CLSTN2: variants seen among roughly 807,000 people sequenced by gnomAD.
CLSTN2 encodes the protein calsyntenin-2.
A neutral mutation model predicts 101.2 loss-of-function variants in CLSTN2; 48 were observed. The ratio of observed to expected loss-of-function variants is 0.47; its 90% CI spans 0.38 to 0.60. The LOEUF (loss-of-function observed/expected upper bound fraction) is 0.60. Ranked by LOEUF, CLSTN2 falls within the 20% of genes least tolerant of loss-of-function variation. The pLI is 0.00. For synonymous variants in CLSTN2, 481 were observed against 463.6 expected (o/e 1.04, Z -0.48); for missense variants, 1,160 against 1,238.2 (o/e 0.94, Z 0.95).
intron 1 of CLSTN2, among the ~76,000 whole-genome samples, chr3:140,126,653 T>G (rs12233502): frequency 0.56 from 85,511 of 151,694 alleles, 24,519 homozygotes; most frequent in Admixed American, 0.68. Context: ...TAGTATGGTC[T>G]CTATCACTTG....
chr3:140,474,836 G>C (rs937717701), intron 8 of CLSTN2, among the ~76,000 whole-genome samples: 1 of 152,132 alleles, frequency 6.6e-6, no homozygotes, highest in South Asian at 2.1e-4. Context: ...AACCACAGCA[G>C]TGTTATCACC....
Position 140,405,108 on chromosome 3 carries a change from G to C in CLSTN2, c.637+342G>C, listed in dbSNP as rs542935220. Reference sequence around the variant, plus strand: ...AGATGTGAGCCATGCCATCAGCTTGGCCATATCTGGGTCCGTTTCCTATGT... The same window carrying C: ...AGATGTGAGCCATGCCATCAGCTTGCCCATATCTGGGTCCGTTTCCTATGT... On this transcript the variant is annotated intron_variant, in intron 4 of 16. Coordinates refer to ENST00000458420, the MANE Select transcript of CLSTN2 (RefSeq NM_022131.3). Among the ~76,000 whole-genome samples the C allele has an allele frequency of 4.6e-5, 7 of 152,254 alleles. No homozygotes were observed. In the East Asian group the frequency reaches 1.4e-3, roughly 29 times the overall value.
intron 2 of CLSTN2, among the ~76,000 whole-genome samples, chr3:140,332,418 A>G (rs538402608): frequency 3.3e-4 from 50 of 152,374 alleles, no homozygotes; most frequent in African/African-American, 1.2e-3. Context: ...GCAGGAAGAC[A>G]TGCCAGCTGT....
At chr3:140,135,823 G>A (rs557241140) in intron 1 of CLSTN2, among the ~76,000 whole-genome samples, 2 of 152,256 alleles carry the variant, frequency 1.3e-5, no homozygotes, top group South Asian at 4.1e-4. Context: ...TCCATTTTAG[G>A]AATCTGGCTT....
intron 2 of CLSTN2, among the ~76,000 whole-genome samples, chr3:140,220,763 A>C (rs1425857242): frequency 6.6e-6 from 1 of 152,268 alleles, no homozygotes; most frequent in Non-Finnish European, 1.5e-5. Context: ...AACAAGACTG[A>C]ATATCATTTT....
At chr3:140,485,760 G>A (rs933717472) in intron 8 of CLSTN2, among the ~76,000 whole-genome samples, 5 of 152,184 alleles carry the variant, frequency 3.3e-5, no homozygotes, top group Middle Eastern at 3.4e-3. Context: ...CGAGCCATGC[G>A]CAGGATATAA....
intron 2 of CLSTN2, among the ~76,000 whole-genome samples, chr3:140,389,443 C>G (rs973017319): frequency 1.3e-5 from 2 of 152,212 alleles, no homozygotes; most frequent in African/African-American, 4.8e-5. Context: ...CCAGCTCCAT[C>G]CATGTCCCTG....
Position 140,464,551 on chromosome 3 carries a change from G to A in CLSTN2, c.1223-2059G>A, listed in dbSNP as rs376605793. ...ACCCTGGCATATGAGTTGACTCTTC[G>A]AATTCAGAGAAAGGGAGTAGAAGGA... On this transcript the variant is annotated intron_variant, in intron 7 of 16. Coordinates refer to ENST00000458420, the MANE Select transcript of CLSTN2 (RefSeq NM_022131.3). Among the ~76,000 whole-genome samples the A allele has an allele frequency of 1.1e-4, 16 of 152,290 alleles. No homozygotes were observed. The East Asian group carries it at 2.7e-3, about 26-fold the overall frequency.
intron 7 of CLSTN2, among the ~76,000 whole-genome samples, chr3:140,465,815 A>G (rs907674668): frequency 6.6e-6 from 1 of 152,178 alleles, no homozygotes; most frequent in African/African-American, 2.4e-5. Context: ...TTTCCACTAC[A>G]CATGGGCACC....
At chr3:140,127,515 C>T (rs12632062) in intron 1 of CLSTN2, among the ~76,000 whole-genome samples, 28,477 of 151,982 alleles carry the variant, frequency 0.19, 3,230 homozygotes, top group East Asian at 0.36. Context: ...ACGACAGGGG[C>T]GGTGCACAAC....
intron 1 of CLSTN2, among the ~76,000 whole-genome samples, chr3:140,007,425 G>A (rs1184645610): frequency 1.3e-5 from 2 of 152,168 alleles, no homozygotes; most frequent in African/African-American, 2.4e-5. Context: ...TGCTGGCCAG[G>A]GCTGCATTTC....
rs142558095 is a variant in CLSTN2 at position 139,968,113 on chromosome 3, G to C, written c.109+32630G>C. 4.3e-4 allele frequency among the ~76,000 whole-genome samples: 65 copies of C among 152,200 alleles called. 1 individual carries two copies. In the East Asian group the frequency reaches 0.012, roughly 28 times the overall value. ...GAAGCCCAAATAAGACTCTCCTTTT[G>C]GACGGCCTATATACCCTGTTGAACA... On this transcript the variant is annotated intron_variant, in intron 1 of 16. Coordinates refer to ENST00000458420, the MANE Select transcript of CLSTN2 (RefSeq NM_022131.3).
chr3:140,123,923 C>A (rs564552708), intron 1 of CLSTN2, among the ~76,000 whole-genome samples: 1 of 151,990 alleles, frequency 6.6e-6, no homozygotes, highest in Non-Finnish European at 1.5e-5. Flanking sequence ...CTCATAACTT[C>A]ATTTAACCTT....
intron 4 of CLSTN2, among the ~76,000 whole-genome samples, chr3:140,415,486 C>CAAAAAAAAAAAAAAAAAAAAA (rs751616049): frequency 2.8e-4 from 16 of 56,872 alleles, no homozygotes; most frequent in Admixed American, 4.7e-4. Context: ...CACAAAATAG[C>CAAAAAAAAAAAAAAAAAAAAA]AAAAAAAAAA....
At chr3:140,540,480 T>TA (rs1234857066) in intron 9 of CLSTN2, among the ~76,000 whole-genome samples, 1 of 152,210 alleles carries the variant, frequency 6.6e-6, no homozygotes, top group African/African-American at 2.4e-5. Context: ...CACAGGTATC[T>TA]ACATCACTGA....
intron 8 of CLSTN2, among the ~76,000 whole-genome samples, chr3:140,497,679 G>T (rs1269517179): frequency 6.6e-6 from 1 of 152,160 alleles, no homozygotes; most frequent in East Asian, 1.9e-4. Flanking sequence ...CTTTCTAGGG[G>T]AGTGTACGGA....
At chr3:140,084,956 TGTG>T (rs377589873) in intron 1 of CLSTN2, among the ~76,000 whole-genome samples, 54 of 152,348 alleles carry the variant, frequency 3.5e-4, no homozygotes, top group African/African-American at 1.2e-3. Flanking sequence ...TGAGTGCAAA[TGTG>T]GTGTACCCAC....
intron 1 of CLSTN2, among the ~76,000 whole-genome samples, chr3:139,989,325 C>A (rs2107827413): frequency 6.6e-6 from 1 of 152,342 alleles, no homozygotes; most frequent in African/African-American, 2.4e-5. Context: ...TCTATACTTC[C>A]TCTTCCACTC....
intron 2 of CLSTN2, among the ~76,000 whole-genome samples, chr3:140,344,234 G>C (rs1281140810): frequency 1.3e-5 from 2 of 152,134 alleles, no homozygotes; most frequent in Non-Finnish European, 2.9e-5. Flanking sequence ...TTAGATTCAA[G>C]TCTGCTCTAC....
Sources: allele counts gnomAD v4.1 joint callset (sites outside exome capture counted in the v4.1 genomes callset), GRCh38; gene constraint gnomAD v4.1.1; transcripts MANE v1.5; gene names NCBI Gene and HGNC (gene_info 2026-07-23, HGNC 2026-07-21).